Variants in HS6ST3 observed in about 807,000 individuals in gnomAD.
HS6ST3 encodes heparan sulfate 6-O-sulfotransferase 3.
HS6ST3 carries 12 observed loss-of-function variants against 36.7 expected under a neutral mutation model. That is an observed-to-expected ratio of 0.33 (90% CI 0.21 to 0.53). The LOEUF (loss-of-function observed/expected upper bound fraction) is 0.53. Among genes scored for constraint, HS6ST3 ranks in the 20% least tolerant of loss-of-function variants. The pLI is 0.95. For synonymous variants in HS6ST3, 240 were observed against 257.5 expected (o/e 0.93, Z 0.65); for missense variants, 584 against 640.9 (o/e 0.91, Z 0.96).
intron 1 of HS6ST3, among the ~76,000 whole-genome samples, chr13:96,823,391 C>T (rs1878578295): frequency 6.6e-6 from 1 of 152,082 alleles, no homozygotes; most frequent in South Asian, 2.1e-4. Context: ...ATGACACATC[C>T]ATAAATGGAA....
chr13:96,688,572 G>A (rs1874852696), intron 1 of HS6ST3, among the ~76,000 whole-genome samples: 3 of 152,000 alleles, frequency 2.0e-5, no homozygotes, highest in Admixed American at 2.0e-4. Flanking sequence ...ACTTGATATA[G>A]AGCTTTATTC....
intron 1 of HS6ST3, among the ~76,000 whole-genome samples, chr13:96,824,772 T>C (rs1195380212): frequency 6.6e-6 from 1 of 152,144 alleles, no homozygotes; most frequent in African/African-American, 2.4e-5. Context: ...CCATGCTCCA[T>C]GGAGAGGATC....
intron 1 of HS6ST3, among the ~76,000 whole-genome samples, chr13:96,117,296 G>GA (rs2053898257): frequency 6.6e-6 from 1 of 152,136 alleles, no homozygotes; most frequent in Non-Finnish European, 1.5e-5. Context: ...AACATTGTAA[G>GA]ATGCCCCCTA....
intron 1 of HS6ST3, among the ~76,000 whole-genome samples, chr13:96,663,239 G>T (rs1227790654): frequency 1.3e-5 from 2 of 152,088 alleles, no homozygotes; most frequent in Non-Finnish European, 2.9e-5. Flanking sequence ...TCACACCCCT[G>T]TCCCGGGGAT....
chr13:96,453,235 C>T (rs966567304), intron 1 of HS6ST3, among the ~76,000 whole-genome samples: 13 of 150,390 alleles, frequency 8.6e-5, no homozygotes, highest in African/African-American at 2.2e-4. Context: ...ATTCTTGCTA[C>T]GTGGATATAT....
rs1555300657 is a variant in HS6ST3, at chr13:96,360,945, C to CA, written c.707+269394dup. ...TGGACGACAGAGCAAGACCCTGTCC[C>CA]AAAAAAAAAAAAAAAAAATGCAGGA... On this transcript the variant is annotated intron_variant, in intron 1 of 1. Transcript: ENST00000376705. Among the ~76,000 whole-genome samples, 462 of 130,850 alleles carry CA rather than the reference C, an allele frequency of 3.5e-3. 2 individuals carry two copies. Among genetic ancestry groups the CA allele is most frequent in the Middle Eastern group, 0.012 (3 of 244 alleles). 85.8% of individuals were successfully genotyped at this position (130,850 alleles called of 152,430 possible).
At chr13:96,192,286 A>G (rs992268308) in intron 1 of HS6ST3, among the ~76,000 whole-genome samples, 5 of 152,116 alleles carry the variant, frequency 3.3e-5, no homozygotes, top group Non-Finnish European at 7.4e-5. Flanking sequence ...ATTTTTTTCT[A>G]TTATACTTAT....
chr13:96,119,063 A>G (rs1445285579), intron 1 of HS6ST3, among the ~76,000 whole-genome samples: 1 of 152,150 alleles, frequency 6.6e-6, no homozygotes, highest in Non-Finnish European at 1.5e-5. Flanking sequence ...AAAGGACAAG[A>G]TGAATAGCTT....
At chr13:96,570,128 AG>A (rs1005355723) in intron 1 of HS6ST3, among the ~76,000 whole-genome samples, 4 of 152,232 alleles carry the variant, frequency 2.6e-5, no homozygotes, top group Admixed American at 2.0e-4. Flanking sequence ...CAGGCACATT[AG>A]GGAGTTGAGG....
chr13:96,757,342 T>C (rs1876857193), intron 1 of HS6ST3, among the ~76,000 whole-genome samples: 1 of 152,158 alleles, frequency 6.6e-6, no homozygotes, highest in Non-Finnish European at 1.5e-5. Flanking sequence ...GAGGTACAAA[T>C]CATAAGTGCC....
At chr13:96,219,174 C>A (rs751367208) in intron 1 of HS6ST3, among the ~76,000 whole-genome samples, 8 of 152,106 alleles carry the variant, frequency 5.3e-5, no homozygotes, top group Non-Finnish European at 1.5e-5. Flanking sequence ...TGATCTCACT[C>A]CCTTTCACCT....
intron 1 of HS6ST3, among the ~76,000 whole-genome samples, chr13:96,628,293 T>A (rs1035419668): frequency 6.6e-6 from 1 of 152,104 alleles, no homozygotes; most frequent in African/African-American, 2.4e-5. Flanking sequence ...GTGAGTTTTT[T>A]AAATTCCAAA....
intron 1 of HS6ST3, among the ~76,000 whole-genome samples, chr13:96,693,674 A>G (rs1875042098): frequency 6.6e-6 from 1 of 152,204 alleles, no homozygotes; most frequent in African/African-American, 2.4e-5. Flanking sequence ...TTCTCATGGT[A>G]AAATGATGAT....
chr13:96,716,459 G>A (rs1365760552), intron 1 of HS6ST3, among the ~76,000 whole-genome samples: 1 of 152,096 alleles, frequency 6.6e-6, no homozygotes, highest in Non-Finnish European at 1.5e-5. Flanking sequence ...GAATAACCAG[G>A]AGAGTATATT....
At chr13:96,780,652 A>T (rs532534949) in intron 1 of HS6ST3, among the ~76,000 whole-genome samples, 1 of 152,164 alleles carries the variant, frequency 6.6e-6, no homozygotes, top group South Asian at 2.1e-4. Flanking sequence ...CTGGCTGAGA[A>T]CACTAGTACA....
chr13:96,808,745 G>A (rs1878254201), intron 1 of HS6ST3, among the ~76,000 whole-genome samples: 1 of 152,172 alleles, frequency 6.6e-6, no homozygotes, highest in South Asian at 2.1e-4. Context: ...AAAAGAAGTA[G>A]GTTCTGAAAA....
chr13:96,143,728 T>A (rs2054043223), intron 1 of HS6ST3, among the ~76,000 whole-genome samples: 1 of 152,166 alleles, frequency 6.6e-6, no homozygotes, highest in African/African-American at 2.4e-5. Context: ...TCTGATTGTT[T>A]GGGAGCTGGT....
At chr13:96,464,163 C>CAAAAAAAAAAAAAAAAAAAAAAAAAAA (rs1322172089) in intron 1 of HS6ST3, among the ~76,000 whole-genome samples, 37 of 64,786 alleles carry the variant, frequency 5.7e-4, no homozygotes, top group Non-Finnish European at 9.5e-4. Flanking sequence ...AAAAAAAAAT[C>CAAAAAAAAAAAAAAAAAAAAAAAAAAA]AAAGATCTGA....
At chr13:96,184,675 G>A (rs2054257294) in intron 1 of HS6ST3, among the ~76,000 whole-genome samples, 1 of 151,978 alleles carries the variant, frequency 6.6e-6, no homozygotes, top group Non-Finnish European at 1.5e-5. Context: ...AGGACTTCCT[G>A]TAAAAGTCCT....
Sources: allele counts gnomAD v4.1 joint callset (sites outside exome capture counted in the v4.1 genomes callset), GRCh38; gene constraint gnomAD v4.1.1; transcripts MANE v1.5; gene names NCBI Gene and HGNC (gene_info 2026-07-23, HGNC 2026-07-21).